The following CPS1 variants were observed in gnomAD, a reference collection of about 807,000 sequenced individuals.
CPS1 encodes the protein carbamoyl-phosphate synthase [ammonia], mitochondrial.
A neutral mutation model predicts 174.6 loss-of-function variants in CPS1; 109 were observed. The ratio of observed to expected loss-of-function variants is 0.62; its 90% confidence interval spans 0.53 to 0.73. CPS1 has a LOEUF of 0.73. CPS1 is among the 30% of genes least tolerant of loss of function. The probability of loss-of-function intolerance (pLI) is 0.00; values close to 1 mark genes in which losing one functional copy is unlikely to be tolerated. For missense variants in CPS1, 1,689 were observed against 1,821.9 expected, an observed-to-expected ratio of 0.93 and a Z score of 1.33; for synonymous variants, 637 against 632.0, an observed-to-expected ratio of 1.01 and a Z score of -0.12.
At chr2:210,568,190 A>G (rs1228952670) in intron 1 of CPS1, among the ~76,000 whole-genome samples, 1 of 152,162 alleles carries the variant, frequency 6.6e-6, no homozygotes, top group Non-Finnish European at 1.5e-5. Context: ...TCAGTGATTA[A>G]TTCTGATTTA....
intron 1 of CPS1, among the ~76,000 whole-genome samples, chr2:210,478,130 G>A (rs7607222): frequency 0.017 from 2,527 of 152,292 alleles, 54 homozygotes; most frequent in Middle Eastern, 0.054. Context: ...TGGATCATAT[G>A]AGATTCTGTA....
In CPS1 at chr2:210,576,332, G is replaced by A. The variant is rs752741541; in HGVS notation, c.237-14G>A. ...TACATTATTTGCTGATAATTTTTTGGCATGTTTACCCAGGTACCCAGAAGC... is the reference window on the plus strand; with the variant it reads ...TACATTATTTGCTGATAATTTTTTGACATGTTTACCCAGGTACCCAGAAGC... On this transcript the variant is annotated splice_polypyrimidine_tract_variant and intron_variant, in intron 2 of 37. Transcript: ENST00000233072. 4 of 1,613,222 alleles carry A rather than the reference G, an allele frequency of 2.5e-6. No individual in the cohort carries two copies. Among genetic ancestry groups the A allele is most frequent in the Non-Finnish European group, 3.4e-6 (4 of 1,179,382 alleles).
chr2:210,521,781 ATTGAC>A (rs1695833088), intron 1 of CPS1, among the ~76,000 whole-genome samples: 1 of 151,834 alleles, frequency 6.6e-6, no homozygotes, highest in South Asian at 2.1e-4. Context: ...GTTAGTTTTG[ATTGAC>A]TTATTTTTCT....
At chr2:210,492,926 CTAA>C (rs1355441571) in intron 1 of CPS1, among the ~76,000 whole-genome samples, 7 of 151,828 alleles carry the variant, frequency 4.6e-5, no homozygotes, top group African/African-American at 1.2e-4. Context: ...AGCGGCTGGG[CTAA>C]TAATAATAAA....
At chr2:210,482,620 T>C (rs1030147832) in intron 1 of CPS1, among the ~76,000 whole-genome samples, 1 of 151,966 alleles carries the variant, frequency 6.6e-6, no homozygotes. Flanking sequence ...AATGTGATTC[T>C]TTTGCAGACT....
chr2:210,582,614 T>G lies in CPS1; in HGVS notation c.529-3T>G. The stretch of plus-strand genomic sequence containing the variant: ...TAACTGTCTAATTTTTTTAATTTGA[T>G]AGGGTACCATGCTTGGGAAGATTGA... On this transcript the variant is annotated splice_polypyrimidine_tract_variant and splice_region_variant and intron_variant, in intron 5 of 37. Coordinates refer to ENST00000233072, the MANE Select transcript of CPS1 (RefSeq NM_001875.5). 1 of 1,610,010 alleles carries G rather than the reference T, an allele frequency of 6.2e-7. No individual in the cohort carries two copies. Among genetic ancestry groups the G allele is most frequent in the Non-Finnish European group, 8.5e-7 (1 of 1,176,452 alleles).
At chr2:210,637,323 T>A (rs55930720) in intron 21 of CPS1, among the ~76,000 whole-genome samples, 34,831 of 152,092 alleles carry the variant, frequency 0.23, 7,928 homozygotes, top group African/African-American at 0.59. Flanking sequence ...ATCAAAAGGG[T>A]CTTGTGATGA....
intron 1 of CPS1, among the ~76,000 whole-genome samples, chr2:210,564,402 GTCTCGC>G (rs1388661926): frequency 6.6e-6 from 1 of 151,164 alleles, no homozygotes. Flanking sequence ...TTGAGATGGA[GTCTCGC>G]TCTGTCGCCC....
intron 1 of CPS1, among the ~76,000 whole-genome samples, chr2:210,520,612 G>C (rs188279645): frequency 6.6e-6 from 1 of 151,830 alleles, no homozygotes; most frequent in Non-Finnish European, 1.5e-5. Flanking sequence ...TGCCTACTCT[G>C]TCTGTCTCTA....
chr2:210,482,456 C>T (rs1356781667), intron 1 of CPS1, among the ~76,000 whole-genome samples: 2 of 152,046 alleles, frequency 1.3e-5, no homozygotes, highest in Non-Finnish European at 2.9e-5. Flanking sequence ...ACCCGTGCCA[C>T]CACGCCTGGC....
At chr2:210,638,085 GGCCTAA>G (rs1700093442) in intron 22 of CPS1, among the ~76,000 whole-genome samples, 1 of 152,118 alleles carries the variant, frequency 6.6e-6, no homozygotes, top group Non-Finnish European at 1.5e-5. Flanking sequence ...TGATTTTCTT[GGCCTAA>G]CTGAACAAAA....
At chr2:210,660,145 GA>G (rs1404256752) in intron 31 of CPS1, among the ~76,000 whole-genome samples, 1 of 152,124 alleles carries the variant, frequency 6.6e-6, no homozygotes, top group Non-Finnish European at 1.5e-5. Context: ...CAAGAGGACA[GA>G]AGGCCTTCAG....
At chr2:210,590,976 G>A (rs1698276810) in intron 9 of CPS1, 70 bp downstream of exon 9, 1 of 1,068,740 alleles carries the variant, frequency 9.4e-7, no homozygotes, top group Middle Eastern at 2.2e-4. Context: ...AGAACTCAGA[G>A]CACTTACCTG....
At chr2:210,607,909 C>T (rs994125617) in intron 18 of CPS1, among the ~76,000 whole-genome samples, 1 of 151,832 alleles carries the variant, frequency 6.6e-6, no homozygotes, top group African/African-American at 2.4e-5. Flanking sequence ...ACTTGAAATG[C>T]CTACATTTTC....
At chr2:210,593,364 G>A (rs901072659) in intron 11 of CPS1, 41 of 1,099,246 alleles carry the variant, frequency 3.7e-5, no homozygotes, top group Middle Eastern at 8.6e-4. Flanking sequence ...TAGCCACTAA[G>A]GGAGAATAAA....
intron 33 of CPS1, among the ~76,000 whole-genome samples, chr2:210,663,995 G>A (rs1364093945): frequency 1.3e-5 from 2 of 152,140 alleles, no homozygotes; most frequent in African/African-American, 4.8e-5. Flanking sequence ...AACAAAGTAC[G>A]TGATGTTTTA....
upstream of CPS1, among the ~76,000 whole-genome samples, chr2:210,554,831 CTCACT>C (rs1424765920): frequency 1.2e-5 from 1 of 82,646 alleles, no homozygotes; most frequent in Non-Finnish European, 2.5e-5. Context: ...AAAGACAACC[CTCACT>C]ACACACACAC....
chr2:210,478,920 T>TTC (rs1559727425), intron 1 of CPS1, among the ~76,000 whole-genome samples: 10 of 10,796 alleles, frequency 9.3e-4, no homozygotes, highest in East Asian at 8.9e-3. Context: ...TCCTCCCCCC[T>TTC]CCCCCCTTCC....
intron 11 of CPS1, 33 bp downstream of exon 11, chr2:210,592,989 C>CAA: frequency 4.3e-6 from 6 of 1,395,284 alleles, no homozygotes; most frequent in Non-Finnish European, 4.9e-6. Context: ...ATTATGTATG[C>CAA]AAAAAAAAAA....
Sources: gnomAD v4.1 joint callset for allele counts (sites outside exome capture counted in the v4.1 genomes callset) on GRCh38, gnomAD v4.1.1 for gene constraint, MANE v1.5 for transcripts, NCBI Gene and HGNC (gene_info 2026-07-23, HGNC 2026-07-21) for gene names.